GUCY1B1: variants seen among roughly 807,000 people sequenced by gnomAD.
GUCY1B1 encodes guanylate cyclase 1 soluble subunit beta 1.
GUCY1B1 carries 43 observed loss-of-function variants against 71.0 expected under a neutral mutation model. The ratio of observed to expected loss-of-function variants is 0.61; its 90% confidence interval spans 0.47 to 0.78. The LOEUF is 0.78. GUCY1B1 is among the 30% of genes least tolerant of loss of function. The probability of loss-of-function intolerance (pLI) is 0.00; values close to 1 mark genes in which losing one functional copy is unlikely to be tolerated. For synonymous variants in GUCY1B1, 266 were observed against 259.7 expected, an observed-to-expected ratio of 1.02 and a Z score of -0.23; for missense variants, 535 against 754.1, an observed-to-expected ratio of 0.71 and a Z score of 3.40.
intron 2 of GUCY1B1, 81 bp from the exon 3 acceptor site, chr4:155,774,887 T>C: frequency 1.2e-6 from 1 of 817,760 alleles, no homozygotes; most frequent in Non-Finnish European, 2.0e-6. Flanking sequence ...AAAGCCATTG[T>C]TTATACAATT....
intron 2 of GUCY1B1, among the ~76,000 whole-genome samples, chr4:155,767,785 CTT>C (rs931446461): frequency 8.5e-5 from 13 of 152,244 alleles, no homozygotes; most frequent in Non-Finnish European, 1.8e-4. Context: ...CCATTGAAAA[CTT>C]AGAGGCTATT....
chr4:155,791,731 C>CAAAAAAACAGAAAAAAA (rs1420542895), intron 5 of GUCY1B1, among the ~76,000 whole-genome samples: 1 of 69,660 alleles, frequency 1.4e-5, no homozygotes, highest in Non-Finnish European at 2.6e-5. Flanking sequence ...ACTCCATTAT[C>CAAAAAAACAGAAAAAAA]AAAAAAATAG....
Position 155,804,658 on chromosome 4 carries a change from C to T in GUCY1B1, c.1620C>T (p.Tyr540=), listed in dbSNP as rs1207275309. 6.2e-7 allele frequency: 1 copy of T among 1,612,544 alleles called. No homozygotes were observed. Among genetic ancestry groups the T allele is most frequent in the East Asian group, 2.2e-5 (1 of 44,862 alleles). Residue 540 remains tyrosine, a synonymous_variant, in exon 12 of 14, where the codon TAC becomes TAT. Coordinates refer to ENST00000264424, the MANE Select transcript of GUCY1B1 (RefSeq NM_000857.5). ...TGVIGQRMPR[Y]CLFGNTVNLT... ...TCATAGGACAGCGGATGCCTCGATACTGTCTTTTTGGGAATACTGTCAACC... is the reference window on the plus strand; with the variant it reads ...TCATAGGACAGCGGATGCCTCGATATTGTCTTTTTGGGAATACTGTCAACC...
At chr4:155,799,762 G>T in intron 8 of GUCY1B1, 115 bp from the exon 9 acceptor site, 1 of 592,480 alleles carries the variant, frequency 1.7e-6, no homozygotes, top group Non-Finnish European at 3.0e-6. Context: ...ATTGTCTTCA[G>T]CCTGATGTTT....
rs766059906 is a variant in GUCY1B1 at position 155,799,892 on chromosome 4, C to T, written c.993C>T (p.Asp331=). 1.3e-5 allele frequency: 21 copies of T among 1,608,338 alleles called. No homozygotes were observed. Among genetic ancestry groups the T allele is most frequent in the Admixed American group, 3.3e-5 (2 of 59,824 alleles). The change falls in exon 9 of 14, where the codon GAC becomes GAT. Residue 331 remains aspartate, a synonymous_variant. Coordinates refer to ENST00000264424, the MANE Select transcript of GUCY1B1 (RefSeq NM_000857.5). ...FLCSPSVMNL[D]DLTRRGLYLS... Reference sequence around the variant, plus strand: ...CATATGACAGTGTCATGAACCTGGACGATTTGACAAGGAGAGGGCTGTATC... The same window carrying T: ...CATATGACAGTGTCATGAACCTGGATGATTTGACAAGGAGAGGGCTGTATC...
At chr4:155,762,439 A>G (rs1737063418) in intron 2 of GUCY1B1, among the ~76,000 whole-genome samples, 1 of 151,986 alleles carries the variant, frequency 6.6e-6, no homozygotes, top group South Asian at 2.1e-4. Context: ...TTTTTGCTTC[A>G]CTAGGAAATG....
At chr4:155,795,046 C>A (rs764509773) in intron 6 of GUCY1B1, among the ~76,000 whole-genome samples, 35 of 152,006 alleles carry the variant, frequency 2.3e-4, no homozygotes, top group Non-Finnish European at 4.3e-4. Flanking sequence ...GATAAATTTT[C>A]ATTTTTTCTC....
chr4:155,799,263 T>C (rs1034657855), intron 8 of GUCY1B1, among the ~76,000 whole-genome samples: 3 of 152,156 alleles, frequency 2.0e-5, no homozygotes, highest in African/African-American at 4.8e-5. Context: ...TTCAGCAGGA[T>C]TGAATAATGT....
intron 2 of GUCY1B1, among the ~76,000 whole-genome samples, chr4:155,764,851 C>A (rs1233419773): frequency 6.6e-6 from 1 of 152,180 alleles, no homozygotes; most frequent in Non-Finnish European, 1.5e-5. Context: ...AGAACCTGGA[C>A]CATGTCTGTG....
chr4:155,765,768 T>G lies in GUCY1B1; in HGVS notation c.77+5908T>G, dbSNP rs549013135. On this transcript the variant is annotated intron_variant, in intron 2 of 13. Transcript: ENST00000264424. ...CCTTAGCATTCCAGCCCCATGGGCCTGTTTTTAGTTTCTCAGCCATACCGA... is the reference window on the plus strand; with the variant it reads ...CCTTAGCATTCCAGCCCCATGGGCCGGTTTTTAGTTTCTCAGCCATACCGA... Among the ~76,000 whole-genome samples the G allele has an allele frequency of 1.6e-3, 246 of 152,326 alleles. 2 individuals are homozygous for G. The highest frequency in any genetic ancestry group is 3.4e-3 in the Middle Eastern group (1 of 294).
chr4:155,779,441 T>G (rs1214199740), intron 4 of GUCY1B1, among the ~76,000 whole-genome samples: 1 of 152,260 alleles, frequency 6.6e-6, no homozygotes, highest in Non-Finnish European at 1.5e-5. Context: ...CATGTTAAAA[T>G]GTTAATATTT....
chr4:155,772,744 TG>T, intron 2 of GUCY1B1: 1 of 702,568 alleles, frequency 1.4e-6, no homozygotes, highest in Non-Finnish European at 2.6e-6. Flanking sequence ...TTAATGCTTA[TG>T]TGCTTTATGT....
At chr4:155,779,100 C>G (rs1175780908) in intron 4 of GUCY1B1, among the ~76,000 whole-genome samples, 1 of 151,986 alleles carries the variant, frequency 6.6e-6, no homozygotes, top group Non-Finnish European at 1.5e-5. Flanking sequence ...AGGACAGCCA[C>G]TAGTGCATGA....
intron 4 of GUCY1B1, chr4:155,785,355 CT>C: frequency 3.6e-6 from 4 of 1,099,966 alleles, no homozygotes; most frequent in East Asian, 2.6e-5. Context: ...TTTTCAGTGT[CT>C]TTTTTACTTT....
chr4:155,784,271 A>T (rs948612906), intron 4 of GUCY1B1, among the ~76,000 whole-genome samples: 2 of 152,142 alleles, frequency 1.3e-5, no homozygotes, highest in Non-Finnish European at 2.9e-5. Flanking sequence ...TTGAAAAGCT[A>T]TTTAATTCTC....
intron 6 of GUCY1B1, 59 bp downstream of exon 6, chr4:155,794,145 T>C: frequency 1.1e-6 from 1 of 881,190 alleles, no homozygotes; most frequent in Non-Finnish European, 1.9e-6. Context: ...AATACTATTG[T>C]TACAGGCAGC....
intron 7 of GUCY1B1, among the ~76,000 whole-genome samples, chr4:155,795,699 G>A (rs1739503324): frequency 6.6e-6 from 1 of 151,972 alleles, no homozygotes; most frequent in Non-Finnish European, 1.5e-5. Context: ...AGACGGCCTT[G>A]TTTCACATCA....
chr4:155,804,846 T>C (rs1291887610), intron 12 of GUCY1B1, 99 bp downstream of exon 12: 1 of 1,008,298 alleles, frequency 9.9e-7, no homozygotes, highest in Non-Finnish European at 1.5e-6. Flanking sequence ...AACAGAGTTA[T>C]CACCTTCACT....
chr4:155,797,735 A>AAATAATTAATAATAATAAT (rs1554013184), intron 8 of GUCY1B1, among the ~76,000 whole-genome samples: 5 of 144,978 alleles, frequency 3.4e-5, no homozygotes, highest in Non-Finnish European at 7.5e-5. Flanking sequence ...CACTGTCTCA[A>AAATAATTAATAATAATAAT]AATAATAATA....
Sources: gnomAD v4.1 joint callset for allele counts (sites outside exome capture counted in the v4.1 genomes callset) on GRCh38, gnomAD v4.1.1 for gene constraint, MANE v1.5 for transcripts, NCBI Gene and HGNC (gene_info 2026-07-23, HGNC 2026-07-21) for gene names.